EP400: variants seen among roughly 807,000 people sequenced by gnomAD.
EP400 encodes E1A-binding protein p400.
EP400 carries 105 observed loss-of-function variants against 354.1 expected under a neutral mutation model. The ratio of observed to expected loss-of-function variants is 0.30; its 90% CI spans 0.25 to 0.35. The LOEUF is 0.35. Among genes scored for constraint, EP400 ranks in the 10% least tolerant of loss-of-function variants. The pLI is 1.00. For missense variants in EP400, 3,280 were observed against 4,121.0 expected, an observed-to-expected ratio of 0.80 and a Z score of 5.59; for synonymous variants, 1,646 against 1,716.9, an observed-to-expected ratio of 0.96 and a Z score of 1.02.
At chr12:132,022,162 A>C (rs997376836) in intron 23 of EP400, among the ~76,000 whole-genome samples, 2 of 152,334 alleles carry the variant, frequency 1.3e-5, no homozygotes, top group African/African-American at 4.8e-5. Flanking sequence ...TAAGTGCCCT[A>C]AGGGAGAAAG....
At chr12:132,056,899 G>A in intron 45 of EP400, among the ~76,000 whole-genome samples, 1 of 152,212 alleles carries the variant, frequency 6.6e-6, no homozygotes, top group East Asian at 1.9e-4. Flanking sequence ...ACTTCACCAA[G>A]AAGCTAGAAG....
At chr12:132,051,055 G>A (rs969582225) in intron 41 of EP400, 7 of 278,530 alleles carry the variant, frequency 2.5e-5, no homozygotes, top group African/African-American at 1.5e-4. Context: ...AGTTATACAG[G>A]GGAAAAGAGG....
intron 2 of EP400, 78 bp from the exon 3 acceptor site, chr12:131,979,616 G>A: frequency 7.6e-7 from 1 of 1,311,404 alleles, no homozygotes; most frequent in South Asian, 1.5e-5. Context: ...CGATGTTTGG[G>A]ATAATTATGA....
chr12:132,077,664 G>T lies in EP400; in HGVS notation c.9363G>T (p.Pro3121=). Residue 3121 remains proline (P), a synonymous_variant, in exon 53 of 53, where the codon CCG becomes CCT. Coordinates refer to ENST00000389561, the MANE Select transcript of EP400 (RefSeq NM_015409.5). ...AVRLKTPTKP[P]CQ ...GGCTAAAGACACCTACTAAGCCTCC[G>T]TGCCAGTAGTCAGGGCAGCAGGGCT... The T allele has an allele frequency of 6.2e-7, 1 of 1,607,130 alleles. No homozygotes were observed. Among genetic ancestry groups the T allele is most frequent in the Non-Finnish European group, 8.5e-7 (1 of 1,176,184 alleles).
intron 39 of EP400, among the ~76,000 whole-genome samples, chr12:132,047,159 C>T (rs1311909172): frequency 6.6e-6 from 1 of 152,234 alleles, no homozygotes; most frequent in East Asian, 1.9e-4. Flanking sequence ...TCTAAAAACA[C>T]TTGTCTCAAA....
intron 2 of EP400, among the ~76,000 whole-genome samples, chr12:131,968,004 T>C (rs1892160302): frequency 6.6e-6 from 1 of 152,216 alleles, no homozygotes; most frequent in South Asian, 2.1e-4. Flanking sequence ...ATGGACATGT[T>C]TTTTGTCAGC....
In EP400 at chr12:132,050,221, G is replaced by A. The variant is rs1328173724; in HGVS notation, c.7201-102G>A. The A allele has an allele frequency of 2.9e-6, 4 of 1,391,998 alleles. No individual in the cohort carries two copies. Among genetic ancestry groups the A allele is most frequent in the Non-Finnish European group, 4.0e-6 (4 of 1,012,490 alleles). 86.2% of individuals were successfully genotyped at this position (1,391,998 alleles called of 1,614,324 possible). ...GAAAAGGAAGTTTGTGTTCAGCCATGGGGAGTTTAGCCTCAGATTCCCACC... is the reference window on the plus strand; with the variant it reads ...GAAAAGGAAGTTTGTGTTCAGCCATAGGGAGTTTAGCCTCAGATTCCCACC... On this transcript the variant is annotated intron_variant, in intron 39 of 52. Transcript: ENST00000389561. This position sits in a 1 kb window ranked among gnomAD's most constrained non-coding sequence, Gnocchi z 4.8.
chr12:132,043,159 C>G lies in EP400; in HGVS notation c.6208-145C>G, dbSNP rs939569370. Reference sequence around the variant, plus strand: ...CTTATCATTTTCACCTGTAAGAGGACCTCAGGGAAGGAGTGGATTACCTTT... The same window carrying G: ...CTTATCATTTTCACCTGTAAGAGGAGCTCAGGGAAGGAGTGGATTACCTTT... On this transcript the variant is annotated intron_variant, in intron 32 of 52. Coordinates refer to ENST00000389561, the MANE Select transcript of EP400 (RefSeq NM_015409.5). 5 of 803,896 alleles carry G rather than the reference C, an allele frequency of 6.2e-6. No individual in the cohort carries two copies. The South Asian group carries it at 1.1e-4, about 17-fold the overall frequency. The allele number at this position is 803,896 out of a possible 1,614,324, so 49.8% of individuals were successfully genotyped here. A position where few individuals can be genotyped will look rare whatever the true frequency, so the allele number is the denominator to read the frequency against.
chr12:132,077,540 C>CGCTCCA lies in EP400; in HGVS notation c.9241_9246dup (p.Leu3081_Gln3082dup). ...CAGGTGGTGACCACGGCGTCGGCCC[C>CGCTCCA]GCTCCAGACTCCAGGCGCTCCCAAC... On this transcript the variant is annotated inframe_insertion, in exon 53 of 53. Coordinates refer to ENST00000389561, the MANE Select transcript of EP400 (RefSeq NM_015409.5). 6.2e-7 allele frequency: 1 copy of CGCTCCA among 1,613,904 alleles called. No homozygotes were observed.
intron 2 of EP400, among the ~76,000 whole-genome samples, chr12:131,977,109 T>C (rs1200615419): frequency 6.6e-6 from 1 of 152,124 alleles, no homozygotes; most frequent in Non-Finnish European, 1.5e-5. Flanking sequence ...GAGTTTATGG[T>C]TACCTGGATT....
chr12:132,054,882 G>A lies in EP400; in HGVS notation c.7729-92G>A. The stretch of plus-strand genomic sequence containing the variant: ...GGCTGTGTGAATGTCGTGGAGTTTG[G>A]ATTTGATTCTGAATGAAGTGGAAGC... On this transcript the variant is annotated intron_variant, in intron 43 of 52. Transcript: ENST00000389561. The surrounding 1 kb of genome is among the most constrained non-coding windows in gnomAD (Gnocchi z 4.0). 7.5e-7 allele frequency: 1 copy of A among 1,339,450 alleles called. No homozygotes were observed. The highest frequency in any genetic ancestry group is 1.7e-5 in the Admixed American group (1 of 57,674). The allele number at this position is 1,339,450 out of a possible 1,614,324, so 83.0% of individuals were successfully genotyped here.
chr12:131,963,751 C>T (rs1891980314), intron 2 of EP400: 1 of 780,074 alleles, frequency 1.3e-6, no homozygotes, highest in Admixed American at 3.0e-5. Context: ...TTCCAGAGCC[C>T]ATTTCTTATT....
At chr12:132,005,964 G>T in intron 13 of EP400, 148 bp from the exon 14 acceptor site, 1 of 730,316 alleles carries the variant, frequency 1.4e-6, no homozygotes. Context: ...AGCATTGTTA[G>T]ATATTTTGGA....
chr12:131,964,019 AG>A (rs1891991987), intron 2 of EP400, among the ~76,000 whole-genome samples: 1 of 152,242 alleles, frequency 6.6e-6, no homozygotes, highest in Admixed American at 6.5e-5. Flanking sequence ...AGATTCAAGT[AG>A]ATGATAAATT....
chr12:131,997,382 C>T (rs1038960427), intron 12 of EP400, among the ~76,000 whole-genome samples: 1 of 151,818 alleles, frequency 6.6e-6, no homozygotes, highest in Non-Finnish European at 1.5e-5. Flanking sequence ...GATCCTTCCA[C>T]CTCAGGCTCC....
intron 2 of EP400, among the ~76,000 whole-genome samples, chr12:131,968,101 T>G (rs1396072290): frequency 6.6e-6 from 1 of 152,228 alleles, no homozygotes; most frequent in Non-Finnish European, 1.5e-5. Context: ...AGTTTTAAAT[T>G]TTGTGGAAGT....
At position 132,025,238 on chromosome 12, in the gene EP400, TAAAC is replaced by T. The variant is rs1052411379; in HGVS notation, c.4856-406_4856-403del. 2.6e-5 allele frequency among the ~76,000 whole-genome samples: 4 copies of T among 152,188 alleles called. No individual in the cohort carries two copies. Among genetic ancestry groups the T allele is most frequent in the African/African-American group, 9.7e-5 (4 of 41,436 alleles). On this transcript the variant is annotated intron_variant, in intron 24 of 52. Transcript: ENST00000389561. This position sits in a 1 kb window ranked among gnomAD's most constrained non-coding sequence, Gnocchi z 4.1. Reference sequence around the variant, plus strand: ...ACAAGATCCAAAGTGGCAGCCTCGTTAAACAGCAGCAGAAAAGCCACAGGCATCT... The same window carrying T: ...ACAAGATCCAAAGTGGCAGCCTCGTTAGCAGCAGAAAAGCCACAGGCATCT...
intron 1 of EP400, among the ~76,000 whole-genome samples, chr12:131,958,901 G>A (rs558376078): frequency 1.2e-4 from 19 of 152,286 alleles, no homozygotes; most frequent in East Asian, 5.8e-4. Context: ...ATGTCCTTGC[G>A]ATGAACAAGG....
intron 32 of EP400, among the ~76,000 whole-genome samples, chr12:132,040,031 C>T (rs553578860): frequency 2.0e-5 from 3 of 152,188 alleles, no homozygotes; most frequent in Non-Finnish European, 4.4e-5. Flanking sequence ...CAGAGTGACA[C>T]CCTGTCTCAA....
Sources: allele counts gnomAD v4.1 joint callset (sites outside exome capture counted in the v4.1 genomes callset), GRCh38; gene constraint gnomAD v4.1.1; non-coding constraint Gnocchi (gnomAD v3.1); transcripts MANE v1.5; gene names NCBI Gene and HGNC (gene_info 2026-07-23, HGNC 2026-07-21).